CPVL: variants seen among roughly 807,000 people sequenced by gnomAD.
CPVL encodes the protein carboxypeptidase vitellogenic like.
CPVL carries 51 observed loss-of-function variants against 63.7 expected under a neutral mutation model. The ratio of observed to expected loss-of-function variants is 0.80; its 90% CI spans 0.64 to 1.01. CPVL has a LOEUF of 1.01. Ranked by LOEUF, CPVL falls within the 50% of genes least tolerant of loss-of-function variation. The pLI, the probability that CPVL is intolerant of heterozygous loss-of-function variation, is 0.00. For missense variants in CPVL, 530 were observed against 573.1 expected (o/e 0.92, Z 0.77); for synonymous variants, 195 against 206.0 (o/e 0.95, Z 0.46).
At chr7:29,195,099 C>T (rs1423031247) in exon 1 of CPVL, 14 of 1,229,944 alleles carry the variant, frequency 1.1e-5, no homozygotes, top group East Asian at 2.9e-5. Context: ...CGCCCGCTCT[C>T]TCGGAATGGG....
chr7:29,080,152 T>C (rs542443477), intron 7 of CPVL: 1 of 152,176 alleles, frequency 6.6e-6, no homozygotes, highest in African/African-American at 2.4e-5. Context: ...CACTATTGGG[T>C]ACTGAGCTTA....
At chr7:29,083,548 T>C (rs972058146) in intron 7 of CPVL, among the ~76,000 whole-genome samples, 1 of 152,174 alleles carries the variant, frequency 6.6e-6, no homozygotes, top group Non-Finnish European at 1.5e-5. Flanking sequence ...ATGGATAGGC[T>C]ATACCTGCCC....
chr7:29,034,627 CTCA>C (rs1413384517), intron 11 of CPVL, among the ~76,000 whole-genome samples: 1 of 152,074 alleles, frequency 6.6e-6, no homozygotes, highest in African/African-American at 2.4e-5. Context: ...TCCATGTGTT[CTCA>C]TCGTTTTTTA....
chr7:29,151,504 C>G (rs1046475880), upstream of CPVL, among the ~76,000 whole-genome samples: 3 of 152,190 alleles, frequency 2.0e-5, no homozygotes, highest in East Asian at 5.8e-4. Context: ...CTAAGGACAG[C>G]TGAGCAAGCC....
chr7:29,149,846 CTG>C (rs1453903881), upstream of CPVL, among the ~76,000 whole-genome samples: 1 of 152,210 alleles, frequency 6.6e-6, no homozygotes, highest in Admixed American at 6.5e-5. Context: ...GTGTCTGTCT[CTG>C]TGTCCCAATT....
At chr7:29,130,961 GCTCT>G (rs1790634883) in intron 1 of CPVL, among the ~76,000 whole-genome samples, 1 of 152,180 alleles carries the variant, frequency 6.6e-6, no homozygotes, top group African/African-American at 2.4e-5. Flanking sequence ...GGTAAGTGAA[GCTCT>G]CTACTCTTTA....
chr7:29,115,482 C>A (rs561050118), intron 2 of CPVL, among the ~76,000 whole-genome samples: 1 of 152,306 alleles, frequency 6.6e-6, no homozygotes, highest in East Asian at 1.9e-4. Flanking sequence ...ACTCTTCCCG[C>A]CATCTGTCGT....
rs569915527 is a variant in CPVL at position 29,189,656 on chromosome 7, A to G, written c.-447-3109T>C. Among the ~76,000 whole-genome samples, 9 of 152,238 alleles carry G rather than the reference A, an allele frequency of 5.9e-5. No homozygotes were observed. In the East Asian group the frequency reaches 1.7e-3, roughly 29 times the overall value. On this transcript the variant is annotated intron_variant, in intron 1 of 16. Transcript: ENST00000409850. ...TGCTATCCTGTTTTTCTCTTCAAAC[A>G]GAAAGAAAAACTCTCTCTCTCTCGG... is the stretch of plus-strand genomic sequence containing the variant.
At chr7:29,157,745 A>G (rs1562799297) in intron 5 of CPVL, among the ~76,000 whole-genome samples, 2 of 152,216 alleles carry the variant, frequency 1.3e-5, no homozygotes, top group African/African-American at 2.4e-5. Flanking sequence ...CATATTTTCA[A>G]TAACACTAAA....
intron 3 of CPVL, among the ~76,000 whole-genome samples, chr7:29,101,815 T>C (rs1158109133): frequency 6.6e-6 from 1 of 152,130 alleles, no homozygotes; most frequent in East Asian, 1.9e-4. Context: ...TATAGACATA[T>C]CCTATAGCTA....
intron 11 of CPVL, among the ~76,000 whole-genome samples, chr7:29,048,373 T>A (rs999331102): frequency 6.6e-6 from 1 of 152,182 alleles, no homozygotes. Context: ...AAAAGGCATT[T>A]CATGCAAAGA....
chr7:29,158,109 C>T (rs1048180494), intron 5 of CPVL, among the ~76,000 whole-genome samples: 1 of 152,166 alleles, frequency 6.6e-6, no homozygotes, highest in African/African-American at 2.4e-5. Context: ...CCCATCTCCA[C>T]TGAACACTGG....
At chr7:29,128,276 G>C (rs60908163) in intron 1 of CPVL, 1 of 148,190 alleles carries the variant, frequency 6.7e-6, no homozygotes, top group African/African-American at 2.5e-5. Context: ...ATTAGCAGAA[G>C]AAAATCATTT....
intron 5 of CPVL, among the ~76,000 whole-genome samples, chr7:29,172,092 G>A (rs924888898): frequency 6.6e-6 from 1 of 152,164 alleles, no homozygotes; most frequent in African/African-American, 2.4e-5. Context: ...GCAGTATCAC[G>A]TTTATACGCT....
chr7:29,121,041 C>G lies in CPVL; in HGVS notation c.21G>C (p.Lys7Asn). 1 of 1,606,432 alleles carries G rather than the reference C, an allele frequency of 6.2e-7. No homozygotes were observed. The highest frequency in any genetic ancestry group is 8.5e-7 in the Non-Finnish European group (1 of 1,177,608). Residue 7 changes from lysine to asparagine, a missense_variant, in exon 2 of 13, where the codon AAG becomes AAC. Transcript: ENST00000265394. ...TCAACAGGACCAGCGAAACAATCAC[C>G]TTCCACATGGCACCAACCATCTCTC... MVGAMW[K>N]VIVSLVLLMP...
At chr7:29,010,967 T>C (rs1329155511) in intron 12 of CPVL, 1 of 152,132 alleles carries the variant, frequency 6.6e-6, no homozygotes, top group Non-Finnish European at 1.5e-5. Flanking sequence ...AGAGCAGGGA[T>C]CTATTCCAAG....
upstream of CPVL, among the ~76,000 whole-genome samples, chr7:29,150,060 T>G (rs1793378633): frequency 6.6e-6 from 1 of 152,214 alleles, no homozygotes. Context: ...CGTTAAGCCT[T>G]CTTTGATTGG....
chr7:29,172,937 C>A (rs887673762), intron 5 of CPVL, among the ~76,000 whole-genome samples: 1 of 151,890 alleles, frequency 6.6e-6, no homozygotes, highest in African/African-American at 2.4e-5. Flanking sequence ...TTGAGACCAG[C>A]GTGGCCAGTA....
In CPVL at chr7:29,174,728, C is replaced by T. The variant is rs528897212; in HGVS notation, c.-11+6562G>A. Among the ~76,000 whole-genome samples the T allele has an allele frequency of 4.6e-5, 7 of 152,074 alleles. No homozygotes were observed. In the East Asian group the frequency reaches 7.8e-4, roughly 17 times the overall value. On this transcript the variant is annotated intron_variant, in intron 5 of 16. Transcript: ENST00000409850. ...ATACAAAATTAGCTGGGCACGGTGG[C>T]ACACACCTGTAATCCCAGCTACTTG...
Sources: allele counts gnomAD v4.1 joint callset (sites outside exome capture counted in the v4.1 genomes callset), GRCh38; gene constraint gnomAD v4.1.1; transcripts MANE v1.5; gene names NCBI Gene and HGNC (gene_info 2026-07-23, HGNC 2026-07-21).